The following SMARCA2 variants were observed in gnomAD, a reference collection of about 807,000 sequenced individuals.
SMARCA2 encodes the protein SWI/SNF-related matrix-associated actin-dependent regulator of chromatin subfamily A member 2.
A neutral mutation model predicts 199.8 loss-of-function variants in SMARCA2; 61 were observed. The observed-to-expected ratio is 0.31, with a 90% CI of 0.25 to 0.38. The LOEUF (loss-of-function observed/expected upper bound fraction) is 0.38. Ranked by LOEUF, SMARCA2 falls within the 10% of genes least tolerant of loss-of-function variation. The pLI, the probability that SMARCA2 is intolerant of heterozygous loss-of-function variation, is 1.00. For missense variants in SMARCA2, 1,344 were observed against 2,012.2 expected (o/e 0.67, Z 6.35); for synonymous variants, 935 against 732.0 (o/e 1.28, Z -4.48).
intron 27 of SMARCA2, among the ~76,000 whole-genome samples, chr9:2,146,341 G>A (rs972680427): frequency 2.0e-5 from 3 of 152,178 alleles, no homozygotes; most frequent in Non-Finnish European, 4.4e-5. Context: ...AATTCTGGGA[G>A]GACACAATCA....
rs201232457 is a variant in SMARCA2 at position 2,104,036 on chromosome 9, G to A, written c.3159G>A (p.Glu1053=). Residue 1053 remains glutamate, a synonymous_variant, in exon 23 of 34, where the codon GAG becomes GAA. Transcript: ENST00000349721. This position sits in a 1 kb window ranked among gnomAD's most constrained non-coding sequence, Gnocchi z 4.0. ...AELYRASGKF[E]LLDRILPKLR... ...TGTATCGGGCCTCAGGGAAGTTTGAGCTGCTTGATCGTATTCTGCCAAAAT... is the reference window on the plus strand; with the variant it reads ...TGTATCGGGCCTCAGGGAAGTTTGAACTGCTTGATCGTATTCTGCCAAAAT... 9.4e-5 allele frequency: 151 copies of A among 1,613,950 alleles called. No individual in the cohort carries two copies. The highest frequency in any genetic ancestry group is 3.2e-4 in the Admixed American group (19 of 59,988).
chr9:2,051,013 G>C (rs781442763), intron 5 of SMARCA2, among the ~76,000 whole-genome samples: 1 of 152,170 alleles, frequency 6.6e-6, no homozygotes, highest in Non-Finnish European at 1.5e-5. Context: ...ATTACATCTT[G>C]TTGTTGTTTG....
Position 2,056,098 on chromosome 9 carries a change from T to A in SMARCA2, c.1174-574T>A, listed in dbSNP as rs1050240599. 1.1e-4 allele frequency among the ~76,000 whole-genome samples: 16 copies of A among 152,216 alleles called. No individual in the cohort carries two copies. The highest frequency in any genetic ancestry group is 2.2e-4 in the Non-Finnish European group (15 of 68,038). On this transcript the variant is annotated intron_variant, in intron 6 of 33. Coordinates refer to ENST00000349721, the MANE Select transcript of SMARCA2 (RefSeq NM_003070.5). This position sits in a 1 kb window ranked among gnomAD's most constrained non-coding sequence, Gnocchi z 4.0. The stretch of plus-strand genomic sequence containing the variant: ...ATTACATTTGTGATCTGAAATAAGT[T>A]CATGATATAATATAAAATGTAGATC...
chr9:2,068,174 G>A (rs1030687981), intron 9 of SMARCA2, among the ~76,000 whole-genome samples: 10 of 152,114 alleles, frequency 6.6e-5, no homozygotes, highest in African/African-American at 2.4e-4. Flanking sequence ...TAGCAGGGAT[G>A]GTTTCTTTTT....
intron 8 of SMARCA2, among the ~76,000 whole-genome samples, chr9:2,059,058 G>A (rs1489530080): frequency 1.3e-5 from 2 of 152,034 alleles, no homozygotes; most frequent in Admixed American, 1.3e-4. Flanking sequence ...TTTTTTAATG[G>A]GCATATAAGC....
At chr9:2,164,940 A>G (rs1825865034) in intron 28 of SMARCA2, among the ~76,000 whole-genome samples, 1 of 152,212 alleles carries the variant, frequency 6.6e-6, no homozygotes. Flanking sequence ...TAGAAAAAGC[A>G]CTAACTATTT....
intron 10 of SMARCA2, among the ~76,000 whole-genome samples, chr9:2,071,672 C>T (rs1821094616): frequency 6.6e-6 from 1 of 152,174 alleles, no homozygotes; most frequent in South Asian, 2.1e-4. Context: ...TAATGTTCTT[C>T]TGTTCTCATT....
chr9:2,162,047 C>G (rs944051037), intron 28 of SMARCA2, 144 bp downstream of exon 28: 2 of 606,438 alleles, frequency 3.3e-6, no homozygotes, highest in East Asian at 2.8e-5. Context: ...TCTCTTTGTA[C>G]CTGTTTAAAA....
chr9:2,164,159 C>T (rs997382870), intron 28 of SMARCA2, among the ~76,000 whole-genome samples: 23 of 152,250 alleles, frequency 1.5e-4, no homozygotes, highest in African/African-American at 4.8e-4. Flanking sequence ...TTTTTACGCC[C>T]GACTCACTTC....
At chr9:2,022,554 A>G (rs1376537559) in intron 1 of SMARCA2, among the ~76,000 whole-genome samples, 3 of 152,236 alleles carry the variant, frequency 2.0e-5, no homozygotes, top group African/African-American at 4.8e-5. Flanking sequence ...ATGAGTGCCT[A>G]TGATAGAACT....
rs1348533389 is a variant in SMARCA2 at position 2,047,151 on chromosome 9, G to A, written c.791-78G>A. The A allele has an allele frequency of 5.0e-6, 5 of 991,770 alleles. No homozygotes were observed. In the African/African-American group the frequency reaches 7.0e-5, roughly 14 times the overall value. 61.4% of individuals were successfully genotyped at this position (991,770 alleles called of 1,614,324 possible). On this transcript the variant is annotated intron_variant, in intron 4 of 33. Transcript: ENST00000349721. ...TTAATGGTCCCCAGCACTGGGCCCC[G>A]GGGGGCGGCGGGCAGGCCGGGTGTG...
At chr9:2,059,349 C>T (rs574128380) in intron 8 of SMARCA2, among the ~76,000 whole-genome samples, 1 of 152,178 alleles carries the variant, frequency 6.6e-6, no homozygotes, top group African/African-American at 2.4e-5. Context: ...TTTTGGATTC[C>T]AGAGAGTAAA....
intron 9 of SMARCA2, among the ~76,000 whole-genome samples, chr9:2,063,425 G>A (rs917660290): frequency 6.6e-6 from 1 of 152,160 alleles, no homozygotes; most frequent in African/African-American, 2.4e-5. Context: ...CTGTAGTGGA[G>A]GAAAACTTCT....
intron 23 of SMARCA2, among the ~76,000 whole-genome samples, chr9:2,108,555 G>C (rs1187672546): frequency 1.3e-5 from 2 of 152,146 alleles, no homozygotes; most frequent in Admixed American, 6.5e-5. Context: ...CAGAAACACA[G>C]ATGCCATGAT....
chr9:2,048,503 T>G (rs74799369), intron 5 of SMARCA2, among the ~76,000 whole-genome samples: 271 of 152,286 alleles, frequency 1.8e-3, no homozygotes, highest in African/African-American at 6.4e-3. Flanking sequence ...AGTTTAAAAA[T>G]TATAGAGAAT....
At chr9:2,077,037 C>T (rs11792177) in intron 13 of SMARCA2, among the ~76,000 whole-genome samples, 2 of 151,964 alleles carry the variant, frequency 1.3e-5, no homozygotes, top group African/African-American at 2.4e-5. Flanking sequence ...ACCCTTCCTC[C>T]TAGCAGTCTG....
chr9:2,150,144 T>C (rs779733762), intron 27 of SMARCA2, among the ~76,000 whole-genome samples: 1 of 151,652 alleles, frequency 6.6e-6, no homozygotes, highest in Non-Finnish European at 1.5e-5. Flanking sequence ...GAGCTAGTCA[T>C]CTCCTTCACA....
intron 6 of SMARCA2, among the ~76,000 whole-genome samples, chr9:2,055,326 G>A (rs575832004): frequency 2.6e-5 from 4 of 152,308 alleles, no homozygotes; most frequent in African/African-American, 9.6e-5. Flanking sequence ...CCAGTATAAT[G>A]ACCTATTTTC....
chr9:2,180,325 C>G lies in SMARCA2; in HGVS notation c.4254-1246C>G, dbSNP rs77257246. On this transcript the variant is annotated intron_variant, in intron 29 of 33. Transcript: ENST00000349721. The stretch of plus-strand genomic sequence containing the variant: ...GGATTTTCGGTTAATTTATGCAGGC[C>G]TCTTTGCACTTCAGCATTTTTTCCA... Among the ~76,000 whole-genome samples, 1,047 of 152,236 alleles carry G rather than the reference C, an allele frequency of 6.9e-3. 18 individuals are homozygous for G. Among genetic ancestry groups the G allele is most frequent in the African/African-American group, 0.024 (994 of 41,546 alleles).
Sources: gnomAD v4.1 joint callset for allele counts (sites outside exome capture counted in the v4.1 genomes callset) on GRCh38, gnomAD v4.1.1 for gene constraint, Gnocchi (gnomAD v3.1) non-coding constraint, MANE v1.5 for transcripts, NCBI Gene and HGNC (gene_info 2026-07-23, HGNC 2026-07-21) for gene names.